ASIC2: variants seen among roughly 807,000 people sequenced by gnomAD.
The protein encoded by ASIC2 is acid sensing ion channel subunit 2, also known as acid-sensing ion channel 2.
In ASIC2, 25 loss-of-function variants were observed where a neutral mutation model predicts 57.3. The observed-to-expected ratio is 0.44, with a 90% confidence interval of 0.32 to 0.61. ASIC2 has a LOEUF of 0.61. Among genes scored for constraint, ASIC2 ranks in the 20% least tolerant of loss-of-function variants. ASIC2 has a pLI of 0.06. For missense variants in ASIC2, 641 were observed against 738.1 expected, an observed-to-expected ratio of 0.87 and a Z score of 1.52; for synonymous variants, 319 against 307.5, an observed-to-expected ratio of 1.04 and a Z score of -0.39.
intron 1 of ASIC2, among the ~76,000 whole-genome samples, chr17:33,893,142 A>G (rs2141948586): frequency 6.6e-6 from 1 of 152,334 alleles, no homozygotes; most frequent in East Asian, 1.9e-4. Flanking sequence ...CTGGCTGGGT[A>G]CCCAGGAGAC....
intron 1 of ASIC2, among the ~76,000 whole-genome samples, chr17:33,865,015 C>T (rs1467056357): frequency 6.6e-6 from 1 of 152,132 alleles, no homozygotes; most frequent in Non-Finnish European, 1.5e-5. Flanking sequence ...TGGAATTTTG[C>T]TTTCTAAGAC....
intron 1 of ASIC2, among the ~76,000 whole-genome samples, chr17:33,199,343 C>G (rs895213054): frequency 6.6e-6 from 1 of 152,168 alleles, no homozygotes; most frequent in African/African-American, 2.4e-5. Flanking sequence ...CTTGTTTAAT[C>G]ATCAGATGCT....
At chr17:33,856,460 TATC>T (rs1913934546) in intron 1 of ASIC2, among the ~76,000 whole-genome samples, 2 of 112,446 alleles carry the variant, frequency 1.8e-5, no homozygotes, top group African/African-American at 3.4e-5. Flanking sequence ...GTAATAGTCT[TATC>T]AGTAGTAGTG....
chr17:33,862,333 G>A (rs556842858), intron 1 of ASIC2, among the ~76,000 whole-genome samples: 29 of 152,118 alleles, frequency 1.9e-4, no homozygotes, highest in Non-Finnish European at 3.4e-4. Context: ...CAAAATCATC[G>A]TAGATATAGA....
chr17:33,400,980 T>C (rs956853359), intron 1 of ASIC2, among the ~76,000 whole-genome samples: 9 of 152,206 alleles, frequency 5.9e-5, no homozygotes, highest in Non-Finnish European at 1.3e-4. Context: ...TTTCTCACAC[T>C]GCACCTCTAA....
intron 1 of ASIC2, among the ~76,000 whole-genome samples, chr17:33,285,560 G>A (rs1259451536): frequency 2.0e-5 from 3 of 152,228 alleles, no homozygotes; most frequent in Non-Finnish European, 4.4e-5. Context: ...TTAAACAGGA[G>A]AATCCTGAAA....
chr17:33,773,501 C>T (rs1278772642), intron 1 of ASIC2, among the ~76,000 whole-genome samples: 2 of 152,056 alleles, frequency 1.3e-5, no homozygotes, highest in African/African-American at 4.8e-5. Flanking sequence ...ACCAATCTCT[C>T]TTTTCATTAT....
chr17:33,971,316 T>C (rs1597955721), intron 1 of ASIC2, among the ~76,000 whole-genome samples: 1 of 152,084 alleles, frequency 6.6e-6, no homozygotes, highest in African/African-American at 2.4e-5. Context: ...GAAACCTCTG[T>C]TCTCTGGCCT....
At chr17:33,346,027 G>A (rs1254258684) in intron 1 of ASIC2, among the ~76,000 whole-genome samples, 1 of 151,976 alleles carries the variant, frequency 6.6e-6, no homozygotes, top group African/African-American at 2.4e-5. Flanking sequence ...AGAAGCTCAA[G>A]ACCAGCCTGG....
chr17:33,392,974 A>C (rs1460824847), intron 1 of ASIC2, among the ~76,000 whole-genome samples: 1 of 152,036 alleles, frequency 6.6e-6, no homozygotes, highest in Non-Finnish European at 1.5e-5. Flanking sequence ...GTTCTTTGTT[A>C]GATTTTTCTT....
At chr17:33,893,053 A>G (rs1187825952) in intron 1 of ASIC2, among the ~76,000 whole-genome samples, 1 of 152,218 alleles carries the variant, frequency 6.6e-6, no homozygotes, top group Non-Finnish European at 1.5e-5. Flanking sequence ...ATTTCATTAC[A>G]CTTCAACTTC....
At chr17:33,157,863 G>C (rs937957733) in intron 1 of ASIC2, among the ~76,000 whole-genome samples, 1 of 152,144 alleles carries the variant, frequency 6.6e-6, no homozygotes, top group African/African-American at 2.4e-5. Flanking sequence ...GGCCTGTACT[G>C]CCCTGCAAAA....
intron 1 of ASIC2, among the ~76,000 whole-genome samples, chr17:33,479,537 T>G (rs1375857543): frequency 6.6e-6 from 1 of 152,178 alleles, no homozygotes; most frequent in Non-Finnish European, 1.5e-5. Context: ...TTCTTTGCTG[T>G]GTTTGCAGGA....
chr17:33,370,350 T>A (rs150203596), intron 1 of ASIC2, among the ~76,000 whole-genome samples: 3 of 152,280 alleles, frequency 2.0e-5, no homozygotes, highest in Non-Finnish European at 4.4e-5. Flanking sequence ...ACTGGGAAAA[T>A]GAGCAGCTGG....
At chr17:33,408,324 G>A (rs1242703570) in intron 1 of ASIC2, among the ~76,000 whole-genome samples, 2 of 152,172 alleles carry the variant, frequency 1.3e-5, no homozygotes, top group Non-Finnish European at 2.9e-5. Flanking sequence ...CCAGGAACAG[G>A]AAGACTTGGT....
At chr17:34,093,678 T>A (rs1910415856) in intron 1 of ASIC2, among the ~76,000 whole-genome samples, 1 of 152,220 alleles carries the variant, frequency 6.6e-6, no homozygotes, top group Non-Finnish European at 1.5e-5. Flanking sequence ...GCACTTAACT[T>A]GCAATTATCT....
chr17:33,186,234 T>G (rs1181808042), intron 1 of ASIC2, among the ~76,000 whole-genome samples: 2 of 152,062 alleles, frequency 1.3e-5, no homozygotes, highest in Non-Finnish European at 2.9e-5. Context: ...CCTCAGACTC[T>G]CGAGTAGCTG....
At chr17:33,579,732 G>T (rs780737863) in intron 1 of ASIC2, among the ~76,000 whole-genome samples, 10 of 152,128 alleles carry the variant, frequency 6.6e-5, no homozygotes, top group African/African-American at 2.2e-4. Flanking sequence ...AAAGTAGTGC[G>T]GACCCAAACA....
At chr17:33,411,321 T>G (rs1011829871) in intron 1 of ASIC2, among the ~76,000 whole-genome samples, 4 of 152,158 alleles carry the variant, frequency 2.6e-5, no homozygotes, top group African/African-American at 9.7e-5. Flanking sequence ...AGAAAAACTT[T>G]GAGATGGTTA....
Sources: gnomAD v4.1 joint callset for allele counts (sites outside exome capture counted in the v4.1 genomes callset) on GRCh38, gnomAD v4.1.1 for gene constraint, MANE v1.5 for transcripts, NCBI Gene and HGNC (gene_info 2026-07-23, HGNC 2026-07-21) for gene names.